RPS6KA2: variants seen among roughly 807,000 people sequenced by gnomAD.
The protein encoded by RPS6KA2 is ribosomal protein S6 kinase A2.
In RPS6KA2, 42 loss-of-function variants were observed where a neutral mutation model predicts 91.8. The observed-to-expected ratio is 0.46, with a 90% CI of 0.36 to 0.59. RPS6KA2 has a LOEUF of 0.59. Ranked by LOEUF, RPS6KA2 falls within the 20% of genes least tolerant of loss-of-function variation. The pLI, the probability that RPS6KA2 is intolerant of heterozygous loss-of-function variation, is 0.00. For missense variants in RPS6KA2, 798 were observed against 978.5 expected (o/e 0.82, Z 2.46); for synonymous variants, 414 against 393.6 (o/e 1.05, Z -0.61).
At chr6:166,515,878 T>C (rs1782628086) in intron 3 of RPS6KA2, among the ~76,000 whole-genome samples, 1 of 152,214 alleles carries the variant, frequency 6.6e-6, no homozygotes, top group African/African-American at 2.4e-5. Flanking sequence ...GAGAGGCTAG[T>C]CAGAAACTCA....
chr6:166,843,368 C>G (rs1025328315), intron 2 of RPS6KA2, among the ~76,000 whole-genome samples: 1 of 152,198 alleles, frequency 6.6e-6, no homozygotes, highest in Admixed American at 6.5e-5. Context: ...AACCTGAATA[C>G]TTCAAAGGTG....
At chr6:166,818,784 T>G (rs1206772683) in intron 2 of RPS6KA2, among the ~76,000 whole-genome samples, 1 of 152,106 alleles carries the variant, frequency 6.6e-6, no homozygotes, top group African/African-American at 2.4e-5. Context: ...TTTTAAAAAT[T>G]TGGTCATAGG....
intron 2 of RPS6KA2, among the ~76,000 whole-genome samples, chr6:166,655,006 G>C (rs908394610): frequency 5.3e-5 from 8 of 152,142 alleles, no homozygotes; most frequent in Non-Finnish European, 1.2e-4. Flanking sequence ...GGTGGGGGAA[G>C]AATCTAATTA....
intron 15 of RPS6KA2, among the ~76,000 whole-genome samples, chr6:166,431,508 A>G (rs1022440933): frequency 2.6e-5 from 4 of 152,260 alleles, no homozygotes; most frequent in Admixed American, 6.5e-5. Context: ...GCGAAGTTAC[A>G]TATCAGAGCC....
chr6:166,719,625 G>T (rs1381179138), intron 2 of RPS6KA2, among the ~76,000 whole-genome samples: 1 of 152,182 alleles, frequency 6.6e-6, no homozygotes, highest in Non-Finnish European at 1.5e-5. Context: ...CTAACTCAGT[G>T]TTTGATCATG....
chr6:166,853,333 T>C (rs1454026168), intron 2 of RPS6KA2, among the ~76,000 whole-genome samples: 3 of 152,256 alleles, frequency 2.0e-5, no homozygotes, highest in Non-Finnish European at 4.4e-5. Flanking sequence ...AAGGCTGTTC[T>C]GTGAAATAAA....
Position 166,773,295 on chromosome 6 carries a change from C to T in RPS6KA2, c.123+84905G>A, listed in dbSNP as rs1057127034. Among the ~76,000 whole-genome samples, 42 of 152,274 alleles carry T rather than the reference C, an allele frequency of 2.8e-4. 1 individual carries two copies. The highest frequency in any genetic ancestry group is 9.6e-4 in the African/African-American group (40 of 41,554). On this transcript the variant is annotated intron_variant, in intron 2 of 21. Transcript: ENST00000503859. ...GGGGTCACAGGAAAGCCCAGTGTGCCCTAATGAGGGGCTTTCCATCACAGG... is the reference window on the plus strand; with the variant it reads ...GGGGTCACAGGAAAGCCCAGTGTGCTCTAATGAGGGGCTTTCCATCACAGG...
intron 2 of RPS6KA2, chr6:166,701,202 A>G (rs529640459): frequency 6.2e-7 from 1 of 1,612,230 alleles, no homozygotes; most frequent in East Asian, 2.2e-5. Flanking sequence ...CCTGGCAAGC[A>G]TAGAAGTGAC....
chr6:166,578,527 A>G (rs1273142575), intron 1 of RPS6KA2, among the ~76,000 whole-genome samples: 20 of 152,232 alleles, frequency 1.3e-4, no homozygotes, highest in Non-Finnish European at 1.2e-4. Context: ...TGTGAAGTTT[A>G]ACAGTGTTAA....
At chr6:166,591,250 T>C (rs1002063396) in intron 1 of RPS6KA2, among the ~76,000 whole-genome samples, 1 of 152,052 alleles carries the variant, frequency 6.6e-6, no homozygotes, top group Non-Finnish European at 1.5e-5. Flanking sequence ...GATGTTACCA[T>C]CATTCAACGC....
At chr6:166,594,764 AAC>A (rs1375570302) in intron 1 of RPS6KA2, among the ~76,000 whole-genome samples, 2 of 152,170 alleles carry the variant, frequency 1.3e-5, no homozygotes, top group African/African-American at 4.8e-5. Flanking sequence ...GCCCAGCCCA[AAC>A]ACACAGATTT....
At chr6:166,645,629 G>GC (rs1396184266) in intron 2 of RPS6KA2, among the ~76,000 whole-genome samples, 2 of 152,130 alleles carry the variant, frequency 1.3e-5, no homozygotes, top group Admixed American at 6.5e-5. Flanking sequence ...ACGGGAATGT[G>GC]CCCCCCCTTC....
chr6:166,831,790 CATAGATAGATGATAG>C (rs754991836), intron 2 of RPS6KA2, among the ~76,000 whole-genome samples: 2 of 148,550 alleles, frequency 1.3e-5, no homozygotes, highest in Admixed American at 6.8e-5. Flanking sequence ...ATGATAGATA[CATAGATAGATGATAG>C]ATAGATAGAT....
chr6:166,519,046 A>T lies in RPS6KA2; in HGVS notation c.299-8689T>A, dbSNP rs190599562. Among the ~76,000 whole-genome samples, 9 of 152,350 alleles carry T rather than the reference A, an allele frequency of 5.9e-5. No individual in the cohort carries two copies. The East Asian group carries it at 7.7e-4, about 13-fold the overall frequency. On this transcript the variant is annotated intron_variant, in intron 3 of 20. Coordinates refer to ENST00000265678, the MANE Select transcript of RPS6KA2 (RefSeq NM_021135.6). ...TCTGCCAACTGACAGCCATGGAGTGATTCTTCCACTAAGAAACAGACAGTG... is the reference window on the plus strand; with the variant it reads ...TCTGCCAACTGACAGCCATGGAGTGTTTCTTCCACTAAGAAACAGACAGTG...
At position 166,737,149 on chromosome 6, in the gene RPS6KA2, T is replaced by C. The variant is rs1352939136; in HGVS notation, c.123+121051A>G. On this transcript the variant is annotated intron_variant, in intron 2 of 21. Coordinates refer to the RPS6KA2 transcript ENST00000503859. The surrounding 1 kb of genome is among the most constrained non-coding windows in gnomAD (Gnocchi z 4.3). ...CTTGATTTTCAATTTCCTGCAATCC[T>C]GGCTAAGAGACACAATTTTTAAGAC... is the stretch of plus-strand genomic sequence containing the variant. Among the ~76,000 whole-genome samples, 1 of 152,234 alleles carries C rather than the reference T, an allele frequency of 6.6e-6. No homozygotes were observed. Among genetic ancestry groups the C allele is most frequent in the Non-Finnish European group, 1.5e-5 (1 of 68,042 alleles).
intron 19 of RPS6KA2, among the ~76,000 whole-genome samples, chr6:166,416,354 C>T (rs999167459): frequency 3.3e-5 from 5 of 149,838 alleles, no homozygotes; most frequent in Non-Finnish European, 5.9e-5. Flanking sequence ...CTTCCATTAT[C>T]TTCACCATCA....
chr6:166,545,923 T>A (rs1783811048), intron 1 of RPS6KA2, among the ~76,000 whole-genome samples: 1 of 152,160 alleles, frequency 6.6e-6, no homozygotes, highest in Admixed American at 6.5e-5. Flanking sequence ...AGCCAGGGCT[T>A]CCTGCACACA....
At chr6:166,850,768 C>T (rs1051620435) in intron 2 of RPS6KA2, among the ~76,000 whole-genome samples, 1 of 151,990 alleles carries the variant, frequency 6.6e-6, no homozygotes, top group Non-Finnish European at 1.5e-5. Flanking sequence ...GGTGGGCTCC[C>T]CCACATGTGG....
chr6:166,736,436 G>A lies in RPS6KA2; in HGVS notation c.123+121764C>T, dbSNP rs374985348. Among the ~76,000 whole-genome samples, 19 of 152,244 alleles carry A rather than the reference G, an allele frequency of 1.2e-4. No homozygotes were observed. The East Asian group carries it at 2.9e-3, about 23-fold the overall frequency. ...CTTTACTTCTGCCACCTTGCTATTT[G>A]CCACTTAGTGTCATTAACAGATTGG... On this transcript the variant is annotated intron_variant, in intron 2 of 21. Transcript: ENST00000503859.
Sources: gnomAD v4.1 joint callset for allele counts (sites outside exome capture counted in the v4.1 genomes callset) on GRCh38, gnomAD v4.1.1 for gene constraint, Gnocchi (gnomAD v3.1) non-coding constraint, MANE v1.5 for transcripts, NCBI Gene and HGNC (gene_info 2026-07-23, HGNC 2026-07-21) for gene names.